The following UGCG variants were observed in gnomAD, a reference collection of about 807,000 sequenced individuals.
UGCG encodes UDP-glucose ceramide glucosyltransferase.
UGCG carries 10 observed loss-of-function variants against 49.5 expected under a neutral mutation model. That is an observed-to-expected ratio of 0.20 (90% CI 0.12 to 0.34). UGCG has a LOEUF of 0.34. Ranked by LOEUF, UGCG falls within the 10% of genes least tolerant of loss-of-function variation. UGCG has a pLI of 1.00. For synonymous variants in UGCG, 182 were observed against 158.2 expected (o/e 1.15, Z -1.13); for missense variants, 312 against 483.7 (o/e 0.65, Z 3.33).
intron 1 of UGCG, among the ~76,000 whole-genome samples, chr9:111,902,377 G>C (rs940708169): frequency 3.3e-5 from 5 of 152,212 alleles, no homozygotes; most frequent in Admixed American, 2.0e-4. Flanking sequence ...GCTTGCACAA[G>C]AAGGTGTGCT....
intron 5 of UGCG, among the ~76,000 whole-genome samples, chr9:111,927,173 C>T (rs1838331084): frequency 6.6e-6 from 1 of 151,922 alleles, no homozygotes; most frequent in South Asian, 2.1e-4. Flanking sequence ...GCCCAGCCCT[C>T]AAAAGAACCT....
chr9:111,903,910 C>T (rs1191008786), intron 1 of UGCG, among the ~76,000 whole-genome samples: 1 of 152,076 alleles, frequency 6.6e-6, no homozygotes, highest in African/African-American at 2.4e-5. Context: ...CTTTCTAGAC[C>T]TGTGGTTGTC....
chr9:111,910,450 C>T (rs772750813), intron 1 of UGCG, among the ~76,000 whole-genome samples: 4 of 152,084 alleles, frequency 2.6e-5, no homozygotes, highest in African/African-American at 9.7e-5. Context: ...GTGTCTTTAC[C>T]TGTCCCTCTC....
rs545862245 is a variant in UGCG at position 111,897,075 on chromosome 9, A to AC, written c.-135dup. The AC allele has an allele frequency of 0.034, 4,448 of 131,064 alleles. 64 individuals carry two copies. Among genetic ancestry groups the AC allele is most frequent in the Non-Finnish European group, 0.046 (3,085 of 67,122 alleles). 8.1% of individuals were successfully genotyped at this position (131,064 alleles called of 1,614,324 possible). A position where few individuals can be genotyped will look rare whatever the true frequency, so the allele number is the denominator to read the frequency against. ...GGCCCTGCCCGCCCCTTCCGTCCCCACCCCCCTCCGCCCTTTCCTCTCCCC... is the reference window on the plus strand; with the variant it reads ...GGCCCTGCCCGCCCCTTCCGTCCCCACCCCCCCTCCGCCCTTTCCTCTCCCC... On this transcript the variant is annotated 5_prime_UTR_variant, in exon 1 of 9. Transcript: ENST00000374279.
At chr9:111,904,040 A>G (rs950058519) in intron 1 of UGCG, among the ~76,000 whole-genome samples, 4 of 151,598 alleles carry the variant, frequency 2.6e-5, no homozygotes, top group African/African-American at 9.7e-5. Flanking sequence ...TCAAAACTCC[A>G]TAGGTGACAT....
intron 1 of UGCG, among the ~76,000 whole-genome samples, chr9:111,906,425 G>A (rs1260705035): frequency 6.6e-6 from 1 of 151,216 alleles, no homozygotes; most frequent in East Asian, 1.9e-4. Context: ...TTGTGTGTGT[G>A]TTTTGTTTTG....
At chr9:111,912,717 A>G (rs1239152237) in intron 1 of UGCG, among the ~76,000 whole-genome samples, 1 of 152,192 alleles carries the variant, frequency 6.6e-6, no homozygotes, top group Non-Finnish European at 1.5e-5. Context: ...GTTTCACTCA[A>G]TTGTTTCTCA....
intron 1 of UGCG, among the ~76,000 whole-genome samples, chr9:111,913,815 C>T (rs56046270): frequency 0.078 from 11,830 of 152,028 alleles, 879 homozygotes; most frequent in African/African-American, 0.19. Context: ...AGAACGTTGG[C>T]CATTTGGTCA....
chr9:111,920,193 A>G (rs909033945), intron 2 of UGCG, among the ~76,000 whole-genome samples: 1 of 152,182 alleles, frequency 6.6e-6, no homozygotes, highest in Non-Finnish European at 1.5e-5. Flanking sequence ...TGGATAGAAT[A>G]TATAATAACA....
At chr9:111,927,138 T>C (rs1263227945) in intron 5 of UGCG, among the ~76,000 whole-genome samples, 3 of 152,112 alleles carry the variant, frequency 2.0e-5, no homozygotes, top group African/African-American at 7.2e-5. Flanking sequence ...CCCAAAGTGC[T>C]GGGATTACGG....
intron 3 of UGCG, among the ~76,000 whole-genome samples, chr9:111,923,418 G>T (rs1011779485): frequency 2.0e-5 from 3 of 151,028 alleles, no homozygotes; most frequent in Non-Finnish European, 4.4e-5. Context: ...CCAGTAAGTC[G>T]TATAAAATGA....
chr9:111,899,268 C>T (rs927455643), intron 1 of UGCG, among the ~76,000 whole-genome samples: 2 of 152,168 alleles, frequency 1.3e-5, no homozygotes, highest in Non-Finnish European at 2.9e-5. Context: ...TACATATTGG[C>T]CCCATGGAAA....
chr9:111,931,132 CAT>C (rs1838417450), intron 6 of UGCG, 137 bp from the exon 7 acceptor site: 3 of 728,708 alleles, frequency 4.1e-6, no homozygotes, highest in South Asian at 1.9e-5. Context: ...GACCTTAAGT[CAT>C]GTGCTAATCA....
At chr9:111,925,724 A>G (rs1276359608) in intron 4 of UGCG, among the ~76,000 whole-genome samples, 1 of 152,212 alleles carries the variant, frequency 6.6e-6, no homozygotes, top group Non-Finnish European at 1.5e-5. Context: ...AAATGATATG[A>G]GATGTTTGCT....
At chr9:111,898,436 G>C (rs369003861) in intron 1 of UGCG, among the ~76,000 whole-genome samples, 181 of 148,988 alleles carry the variant, frequency 1.2e-3, no homozygotes, top group African/African-American at 4.1e-3. Context: ...GTGTGCCTTT[G>C]CTTTTGGAAA....
In UGCG at chr9:111,931,343, A is replaced by G. The variant is rs751213828; in HGVS notation, c.810A>G (p.Gln270=). The part of the protein sequence containing the change: ...NSGSYSISQF[Q]SRMIRWTKLR... The stretch of plus-strand genomic sequence containing the variant: ...GCTCATATTCAATTTCTCAGTTTCA[A>G]TCCAGAATGATCAGGTAAATCAACT... The change falls in exon 7 of 9, where the codon CAA becomes CAG. Residue 270 remains glutamine, a synonymous_variant. Transcript: ENST00000374279. 4.3e-6 allele frequency: 7 copies of G among 1,613,640 alleles called. No homozygotes were observed. The highest frequency in any genetic ancestry group is 1.3e-5 in the African/African-American group (1 of 74,922).
chr9:111,917,092 G>A (rs1838125990), intron 2 of UGCG, among the ~76,000 whole-genome samples: 1 of 152,146 alleles, frequency 6.6e-6, no homozygotes, highest in Non-Finnish European at 1.5e-5. Context: ...TTTCCATTTA[G>A]TTATATCATT....
chr9:111,902,677 A>G (rs1252281051), intron 1 of UGCG, among the ~76,000 whole-genome samples: 1 of 152,234 alleles, frequency 6.6e-6, no homozygotes, highest in Non-Finnish European at 1.5e-5. Context: ...GCAGAACCAC[A>G]CAGCGGAATT....
chr9:111,916,249 G>A (rs541420328), intron 2 of UGCG, among the ~76,000 whole-genome samples: 4 of 152,140 alleles, frequency 2.6e-5, no homozygotes, highest in African/African-American at 9.7e-5. Flanking sequence ...TATTGATTAT[G>A]AATGAATCTT....
Sources: gnomAD v4.1 joint callset for allele counts (sites outside exome capture counted in the v4.1 genomes callset) on GRCh38, gnomAD v4.1.1 for gene constraint, MANE v1.5 for transcripts, NCBI Gene and HGNC (gene_info 2026-07-23, HGNC 2026-07-21) for gene names.